AP3D1: variants seen among roughly 807,000 people sequenced by gnomAD.
The protein encoded by AP3D1 is AP-3 complex subunit delta-1.
AP3D1 carries 51 observed loss-of-function variants against 147.6 expected under a neutral mutation model. That is an observed-to-expected ratio of 0.35 (90% CI 0.28 to 0.44). AP3D1 has a LOEUF of 0.44. Ranked by LOEUF, AP3D1 falls within the 20% of genes least tolerant of loss-of-function variation. The pLI, the probability that AP3D1 is intolerant of heterozygous loss-of-function variation, is 1.00. For synonymous variants in AP3D1, 760 were observed against 663.0 expected, an observed-to-expected ratio of 1.15 and a Z score of -2.25; for missense variants, 1,421 against 1,624.2, an observed-to-expected ratio of 0.87 and a Z score of 2.15.
rs781188714 is a variant in AP3D1 at position 2,115,428 on chromosome 19, G to A, written c.2150-10C>T. On this transcript the variant is annotated splice_polypyrimidine_tract_variant and intron_variant, in intron 19 of 31. Transcript: ENST00000643116. ...TCTGACATAGGCAGCCCTGCGGGCC[G>A]GCAGCGGGCAGCCACTCAGCACTGC... The A allele has an allele frequency of 9.3e-6, 15 of 1,607,310 alleles. No individual in the cohort carries two copies. Among genetic ancestry groups the A allele is most frequent in the East Asian group, 4.5e-5 (2 of 44,872 alleles).
At chr19:2,152,915 T>C (rs565173243), upstream of AP3D1, among the ~76,000 whole-genome samples, 14 of 151,810 alleles carry the variant, frequency 9.2e-5, no homozygotes, top group East Asian at 9.7e-4. Context: ...GGGTAAGATA[T>C]TTACAATACA....
rs1568320060 is a variant in AP3D1, at chr19:2,164,171, C to CCG, written c.-103+183_-103+184dup. 20 of 1,133,778 alleles carry CCG rather than the reference C, an allele frequency of 1.8e-5. No individual in the cohort carries two copies. In the South Asian group the frequency reaches 4.5e-4, roughly 25 times the overall value. 70.2% of individuals were successfully genotyped at this position (1,133,778 alleles called of 1,614,324 possible). On this transcript the variant is annotated intron_variant, in intron 1 of 14. Coordinates refer to the AP3D1 transcript ENST00000643010. Reference sequence around the variant, plus strand: ...CCGCCCGCCTAGCATGGTGCGGCGGCCGCGCGCGCGGACATGGGGGAGAAG... The same window carrying CCG: ...CCGCCCGCCTAGCATGGTGCGGCGGCCGCGCGCGCGCGGACATGGGGGAGAAG...
upstream of AP3D1, among the ~76,000 whole-genome samples, chr19:2,151,917 C>G (rs546240280): frequency 5.3e-5 from 8 of 152,356 alleles, no homozygotes; most frequent in East Asian, 1.5e-3. Flanking sequence ...CGGCAAGTTC[C>G]CGAGGAAGAC....
chr19:2,137,055 C>T lies in AP3D1; in HGVS notation c.310G>A (p.Glu104Lys), dbSNP rs866533378. ...GYLAASQSFHEGTDVIMLTTN... is the reference protein window; with the variant it reads ...GYLAASQSFHKGTDVIMLTTN... ...GTCAGCATGATGACGTCGGTGCCTT[C>T]GTGAAAGCTCTGGGAAGCAGCGAGG... The change falls in exon 4 of 32, where the codon GAA (glutamate) becomes AAA (lysine). Residue 104 changes from glutamate (E) to lysine (K), a missense_variant. Glu to Lys is a moderately conservative substitution (Grantham distance 56, BLOSUM62 1). Around this residue, in one of 6 missense-constraint regions of AP3D1, gnomAD observed 292 missense variants for 412.0 expected, o/e 0.71. Transcript: ENST00000643116. 6.3e-7 allele frequency: 1 copy of T among 1,596,288 alleles called. No homozygotes were observed. The highest frequency in any genetic ancestry group is 8.5e-7 in the Non-Finnish European group (1 of 1,171,646).
At chr19:2,150,123 G>C (rs978316442) in intron 1 of AP3D1, among the ~76,000 whole-genome samples, 100 of 152,368 alleles carry the variant, frequency 6.6e-4, no homozygotes, top group African/African-American at 2.4e-3. Context: ...TTCCCAGAGA[G>C]AGGGACATGG....
intron 1 of AP3D1, among the ~76,000 whole-genome samples, chr19:2,161,514 T>C (rs896521380): frequency 6.6e-6 from 1 of 152,136 alleles, no homozygotes; most frequent in Non-Finnish European, 1.5e-5. Flanking sequence ...AAAGTTCTTT[T>C]TTTTTCCACA....
At chr19:2,120,706 G>T (rs1220774975) in intron 14 of AP3D1, among the ~76,000 whole-genome samples, 156 bp downstream of exon 14, 1 of 152,214 alleles carries the variant, frequency 6.6e-6, no homozygotes, top group East Asian at 1.9e-4. Flanking sequence ...CCCGACCATT[G>T]TCAGGGGACA....
At chr19:2,162,768 G>A (rs904352959) in intron 1 of AP3D1, among the ~76,000 whole-genome samples, 4 of 152,060 alleles carry the variant, frequency 2.6e-5, no homozygotes, top group Non-Finnish European at 4.4e-5. Flanking sequence ...CAGTGACTGC[G>A]GGACTCTATT....
At chr19:2,154,049 G>C (rs1006518656), upstream of AP3D1, among the ~76,000 whole-genome samples, 4 of 151,320 alleles carry the variant, frequency 2.6e-5, no homozygotes, top group African/African-American at 9.7e-5. Context: ...CTGGGTTCAA[G>C]CAATTCTCCT....
chr19:2,130,337 C>T (rs2018902985), intron 6 of AP3D1, 71 bp downstream of exon 6: 22 of 1,600,910 alleles, frequency 1.4e-5, no homozygotes, highest in Non-Finnish European at 1.8e-5. Context: ...CCAAAACACG[C>T]CACCACCTCT....
intron 1 of AP3D1, among the ~76,000 whole-genome samples, chr19:2,143,612 T>G (rs954495994): frequency 9.2e-5 from 14 of 151,816 alleles, no homozygotes; most frequent in African/African-American, 3.1e-4. Flanking sequence ...AATCAAAAAA[T>G]AAAAAATTAG....
intron 4 of AP3D1, among the ~76,000 whole-genome samples, chr19:2,136,066 A>G (rs1362613376): frequency 6.6e-6 from 1 of 151,836 alleles, no homozygotes; most frequent in East Asian, 1.9e-4. Flanking sequence ...CACGGCCACG[A>G]CCCAAGAAGA....
chr19:2,162,397 CCGAATTT>C (rs935453939), intron 1 of AP3D1, among the ~76,000 whole-genome samples: 1 of 148,774 alleles, frequency 6.7e-6, no homozygotes, highest in African/African-American at 2.5e-5. Context: ...CTATAAATCT[CCGAATTT>C]CGAATTTCGG....
intron 4 of AP3D1, among the ~76,000 whole-genome samples, chr19:2,134,229 C>T (rs1005916874): frequency 2.6e-5 from 4 of 151,912 alleles, no homozygotes; most frequent in Admixed American, 6.6e-5. Flanking sequence ...GCCTAGGCAA[C>T]GCAGTGAAAC....
chr19:2,144,830 G>C (rs538534870), intron 1 of AP3D1, among the ~76,000 whole-genome samples: 1 of 152,128 alleles, frequency 6.6e-6, no homozygotes, highest in African/African-American at 2.4e-5. Flanking sequence ...TTGAACCTGG[G>C]AGGAAGAGGC....
chr19:2,126,652 C>CAAAAAA (rs58063456), intron 9 of AP3D1, among the ~76,000 whole-genome samples: 29 of 59,296 alleles, frequency 4.9e-4, no homozygotes, highest in East Asian at 8.6e-4. Flanking sequence ...GACTCTGCCT[C>CAAAAAA]AAAAAAAAAA....
chr19:2,118,114 C>T (rs772722936), intron 15 of AP3D1, among the ~76,000 whole-genome samples: 1 of 152,124 alleles, frequency 6.6e-6, no homozygotes, highest in South Asian at 2.1e-4. Context: ...GAGCTGAGAT[C>T]GCACCACTTG....
chr19:2,157,455 A>AAAAAAG lies in AP3D1; in HGVS notation c.-103+6895_-103+6900dup, dbSNP rs1555711639. Among the ~76,000 whole-genome samples, 394 of 148,724 alleles carry AAAAAAG rather than the reference A, an allele frequency of 2.6e-3. 7 individuals are homozygous for AAAAAAG. Among genetic ancestry groups the AAAAAAG allele is most frequent in the African/African-American group, 9.2e-3 (366 of 39,876 alleles). On this transcript the variant is annotated intron_variant, in intron 1 of 14. Transcript: ENST00000643010. ...AGACTCCGTCTCAAAAAAAAAAAAA[A>AAAAAAG]AAAAAGAAAAAAACAAACATCTACC...
chr19:2,113,345 AACGGGG>A lies in AP3D1; in HGVS notation c.2664_2669del (p.Val890_Pro891del), dbSNP rs1477504547. 5.3e-6 allele frequency: 4 copies of A among 750,750 alleles called. No individual in the cohort carries two copies. The South Asian group carries it at 7.2e-5, about 14-fold the overall frequency. The allele number at this position is 750,750 out of a possible 1,614,324, so 46.5% of individuals were successfully genotyped here. On this transcript the variant is annotated inframe_deletion, in exon 23 of 32. Coordinates refer to ENST00000643116, the MANE Select transcript of AP3D1 (RefSeq NM_001261826.3). ...GCTGCCAGTCTCTTACCGTGGATGG[AACGGGG>A]GCGGGGGCGGGGGCGGGGGCAGGCG...
Sources: gnomAD v4.1 joint callset for allele counts (sites outside exome capture counted in the v4.1 genomes callset) on GRCh38, gnomAD v4.1.1 for gene constraint, gnomAD v4.1.1 regional missense constraint, MANE v1.5 for transcripts, NCBI Gene and HGNC (gene_info 2026-07-23, HGNC 2026-07-21) for gene names.